RORB: variants seen among roughly 807,000 people sequenced by gnomAD.
RORB encodes the protein RAR related orphan receptor B.
In RORB, 6 loss-of-function variants were observed where a neutral mutation model predicts 59.1. The ratio of observed to expected loss-of-function variants is 0.10; its 90% CI spans 0.06 to 0.20. The LOEUF is 0.20. Ranked by LOEUF, RORB falls within the 10% of genes least tolerant of loss-of-function variation. The pLI, the probability that RORB is intolerant of heterozygous loss-of-function variation, is 1.00. For missense variants in RORB, 320 were observed against 560.5 expected, an observed-to-expected ratio of 0.57 and a Z score of 4.33; for synonymous variants, 215 against 204.5, an observed-to-expected ratio of 1.05 and a Z score of -0.44.
intron 1 of RORB, among the ~76,000 whole-genome samples, chr9:74,598,967 T>A (rs933381045): frequency 2.0e-5 from 3 of 152,122 alleles, no homozygotes; most frequent in Non-Finnish European, 4.4e-5. Context: ...CTTTCCCTCA[T>A]GAATACTCTA....
intron 1 of RORB, among the ~76,000 whole-genome samples, chr9:74,579,639 A>G (rs1435016816): frequency 6.6e-6 from 1 of 152,158 alleles, no homozygotes; most frequent in Non-Finnish European, 1.5e-5. Flanking sequence ...TGAACTTGAG[A>G]AACCCTTTCA....
At chr9:74,587,639 G>A (rs1822821207) in intron 1 of RORB, among the ~76,000 whole-genome samples, 1 of 152,132 alleles carries the variant, frequency 6.6e-6, no homozygotes, top group Admixed American at 6.5e-5. Context: ...ACATGTTTGG[G>A]GTTGGGAGGA....
chr9:74,570,819 T>C (rs1344566099), intron 1 of RORB, among the ~76,000 whole-genome samples: 6 of 152,102 alleles, frequency 3.9e-5, no homozygotes, highest in Non-Finnish European at 8.8e-5. Context: ...TACCTCCGAG[T>C]TATATCATCA....
chr9:74,543,599 G>A (rs145784086), intron 1 of RORB, among the ~76,000 whole-genome samples: 1 of 144,196 alleles, frequency 6.9e-6, no homozygotes, highest in East Asian at 2.0e-4. Flanking sequence ...CAAGGAATTT[G>A]AGTTTAATTT....
At chr9:74,653,506 T>C (rs1371540120) in intron 4 of RORB, among the ~76,000 whole-genome samples, 1 of 150,764 alleles carries the variant, frequency 6.6e-6, no homozygotes, top group African/African-American at 2.4e-5. Context: ...GAGGGTATAG[T>C]TCACCAAGAA....
chr9:74,575,234 A>G (rs984504746), intron 1 of RORB, among the ~76,000 whole-genome samples: 2 of 152,120 alleles, frequency 1.3e-5, no homozygotes, highest in African/African-American at 4.8e-5. Flanking sequence ...CATTTTACAA[A>G]CAAGGAAACT....
intron 1 of RORB, among the ~76,000 whole-genome samples, chr9:74,629,408 A>T (rs940806870): frequency 2.0e-5 from 3 of 151,906 alleles, no homozygotes; most frequent in South Asian, 2.1e-4. Flanking sequence ...CCCTCTAGCC[A>T]ATCATCTGAC....
rs369023931 is a variant in RORB at position 74,660,598 on chromosome 9, T to A, written c.638-19T>A. The A allele has an allele frequency of 1.9e-6, 3 of 1,599,244 alleles. No homozygotes were observed. Among genetic ancestry groups the A allele is most frequent in the South Asian group, 1.1e-5 (1 of 87,904 alleles). Reference sequence around the variant, plus strand: ...GTAATTTTATTCACAAACCTTTGAATTGATATCTTTTCTCACAGACCGAAT... The same window carrying A: ...GTAATTTTATTCACAAACCTTTGAAATGATATCTTTTCTCACAGACCGAAT... On this transcript the variant is annotated intron_variant, in intron 4 of 9. Transcript: ENST00000376896.
At chr9:74,581,181 C>T (rs1166573028) in intron 1 of RORB, among the ~76,000 whole-genome samples, 1 of 152,110 alleles carries the variant, frequency 6.6e-6, no homozygotes, top group South Asian at 2.1e-4. Context: ...GAACCTCAAC[C>T]CTTTAAACCT....
chr9:74,519,406 C>G (rs1005334368), intron 1 of RORB, among the ~76,000 whole-genome samples: 1 of 151,960 alleles, frequency 6.6e-6, no homozygotes, highest in Non-Finnish European at 1.5e-5. Context: ...ACATTTACTT[C>G]CATCACAATG....
rs748871888 is a variant in RORB, at chr9:74,630,263, GTC to G, written c.8-17_8-16del. On this transcript the variant is annotated splice_polypyrimidine_tract_variant and intron_variant, in intron 1 of 9. Coordinates refer to ENST00000376896, the MANE Select transcript of RORB (RefSeq NM_006914.4). ...AAGAAAACATCTGTATGCTCAAAAT[GTC>G]TGTTTTCTCCTTTCAGCACAAATTG... 1.2e-6 allele frequency: 2 copies of G among 1,610,702 alleles called. No individual in the cohort carries two copies. Among genetic ancestry groups the G allele is most frequent in the Middle Eastern group, 3.3e-4 (2 of 6,058 alleles).
intron 1 of RORB, among the ~76,000 whole-genome samples, chr9:74,512,539 C>A (rs1318896423): frequency 6.6e-6 from 1 of 152,114 alleles, no homozygotes; most frequent in East Asian, 1.9e-4. Context: ...AGATCAATGA[C>A]AATATCTAGA....
chr9:74,662,725 G>T, intron 6 of RORB, 119 bp downstream of exon 6: 3 of 998,660 alleles, frequency 3.0e-6, no homozygotes, highest in East Asian at 2.4e-5. Flanking sequence ...CACCCACATT[G>T]TCAGCCAACT....
intron 9 of RORB, among the ~76,000 whole-genome samples, chr9:74,677,770 A>G (rs1193620454): frequency 6.6e-6 from 1 of 152,198 alleles, no homozygotes; most frequent in Admixed American, 6.5e-5. Flanking sequence ...GCAGGATATA[A>G]TGATAATGTG....
At chr9:74,649,736 C>T (rs780781361) in intron 4 of RORB, among the ~76,000 whole-genome samples, 3 of 152,168 alleles carry the variant, frequency 2.0e-5, no homozygotes, top group Non-Finnish European at 2.9e-5. Context: ...AAACAACACA[C>T]ACATATATGC....
chr9:74,676,985 G>T (rs550268502), intron 9 of RORB, among the ~76,000 whole-genome samples: 2 of 152,184 alleles, frequency 1.3e-5, no homozygotes, highest in Non-Finnish European at 2.9e-5. Context: ...TCCTCAGATC[G>T]TTTGGTTGAT....
intron 3 of RORB, among the ~76,000 whole-genome samples, chr9:74,637,820 T>A (rs1439430351): frequency 6.6e-6 from 1 of 152,194 alleles, no homozygotes; most frequent in Admixed American, 6.5e-5. Context: ...GAATTTAAAT[T>A]AAATAAAATT....
rs896797352 is a variant in RORB at position 74,666,556 on chromosome 9, C to CT, written c.1000+971dup. Among the ~76,000 whole-genome samples, 103 of 148,372 alleles carry CT rather than the reference C, an allele frequency of 6.9e-4. 1 individual carries two copies. The highest frequency in any genetic ancestry group is 3.5e-3 in the Middle Eastern group (1 of 288). On this transcript the variant is annotated intron_variant, in intron 7 of 9. Coordinates refer to ENST00000376896, the MANE Select transcript of RORB (RefSeq NM_006914.4). ...TATAGATCATTCTTTGTGAAATCAGCTTTTTTTTTTCAACTTTATTGCATA... is the reference window on the plus strand; with the variant it reads ...TATAGATCATTCTTTGTGAAATCAGCTTTTTTTTTTTCAACTTTATTGCATA...
intron 8 of RORB, among the ~76,000 whole-genome samples, chr9:74,668,257 A>G (rs1374761241): frequency 6.6e-6 from 1 of 152,248 alleles, no homozygotes; most frequent in Non-Finnish European, 1.5e-5. Flanking sequence ...GTTGGATGAG[A>G]CACAGTAGAA....
Sources: gnomAD v4.1 joint callset for allele counts (sites outside exome capture counted in the v4.1 genomes callset) on GRCh38, gnomAD v4.1.1 for gene constraint, MANE v1.5 for transcripts, NCBI Gene and HGNC (gene_info 2026-07-23, HGNC 2026-07-21) for gene names.